TTC21B: variants seen among roughly 807,000 people sequenced by gnomAD.
The protein encoded by TTC21B is tetratricopeptide repeat domain 21B, also known as tetratricopeptide repeat protein 21B.
TTC21B carries 127 observed loss-of-function variants against 175.1 expected under a neutral mutation model. That is an observed-to-expected ratio of 0.73 (90% CI 0.63 to 0.84). The LOEUF is 0.84. TTC21B is among the 40% of genes least tolerant of loss of function. The probability of loss-of-function intolerance (pLI) is 0.00; values close to 1 mark genes in which losing one functional copy is unlikely to be tolerated. For missense variants in TTC21B, 1,561 were observed against 1,558.3 expected (o/e 1.00, Z -0.03); for synonymous variants, 524 against 524.5 (o/e 1.00, Z 0.01).
At chr2:165,909,270 T>C (rs1685850333) in intron 18 of TTC21B, among the ~76,000 whole-genome samples, 1 of 151,972 alleles carries the variant, frequency 6.6e-6, no homozygotes, top group East Asian at 1.9e-4. Context: ...AATATAAAAA[T>C]GAAAACAATA....
Position 165,890,933 on chromosome 2 carries a change from G to A in TTC21B, c.3006C>T (p.Leu1002=), listed in dbSNP as rs765379564. ...LIDLLRRCGK[L]EDVPRFFSMA... is the part of the protein sequence containing the mutation. ...TTGAGAAAAATCTTGGGACATCCTC[G>A]AGTTTTCCACATCTTCTTAGGAGAT... Residue 1002 remains leucine (L), a synonymous_variant, in exon 23 of 29, where the codon CTC becomes CTT. Transcript: ENST00000243344. 3.7e-6 allele frequency: 6 copies of A among 1,612,892 alleles called. No homozygotes were observed. Among genetic ancestry groups the A allele is most frequent in the African/African-American group, 2.7e-5 (2 of 74,778 alleles).
At chr2:165,927,319 TAATA>T (rs1295535842) in intron 11 of TTC21B, among the ~76,000 whole-genome samples, 1 of 56,498 alleles carries the variant, frequency 1.8e-5, no homozygotes, top group African/African-American at 4.8e-5. Flanking sequence ...ATATATTATA[TAATA>T]TATATATAAT....
Position 165,937,771 on chromosome 2 carries a change from CCACACACACACACA to C in TTC21B, c.710+3242_710+3255del, listed in dbSNP as rs4001021. On this transcript the variant is annotated intron_variant, in intron 6 of 28. Coordinates refer to ENST00000243344, the MANE Select transcript of TTC21B (RefSeq NM_024753.5). ...TACATATTTTTAAAATATATAGAAA[CCACACACACACACA>C]CACACACACACACACACACACACAC... is the stretch of plus-strand genomic sequence containing the variant. Among the ~76,000 whole-genome samples, 1,060 of 127,618 alleles carry C rather than the reference CCACACACACACACA, an allele frequency of 8.3e-3. 5 individuals are homozygous for C. Among genetic ancestry groups the C allele is most frequent in the Non-Finnish European group, 0.01 (624 of 60,212 alleles). The allele number at this position is 127,618 out of a possible 152,430, so 83.7% of individuals were successfully genotyped here. A position where few individuals can be genotyped will look rare whatever the true frequency, so the allele number is the denominator to read the frequency against.
chr2:165,931,795 T>C lies in TTC21B; in HGVS notation c.857A>G (p.Gln286Arg), dbSNP rs975002950. 6.2e-7 allele frequency: 1 copy of C among 1,613,632 alleles called. No homozygotes were observed. Among genetic ancestry groups the C allele is most frequent in the Non-Finnish European group, 8.5e-7 (1 of 1,179,634 alleles). ...TLDAMEPQNA[Q>R]LFYNITLAFS... ...GGCGAGTGTAATGTTATAGAAAAGT[T>C]GAGCATTCTGTGGTTCCATGGCATC... The change falls in exon 8 of 29, where the codon CAA becomes CGA. Residue 286 changes from glutamine to arginine, a missense_variant. Coordinates refer to ENST00000243344, the MANE Select transcript of TTC21B (RefSeq NM_024753.5).
intron 22 of TTC21B, among the ~76,000 whole-genome samples, chr2:165,897,196 ATCTCTGCC>A (rs1685398002): frequency 6.6e-6 from 1 of 152,216 alleles, no homozygotes; most frequent in Non-Finnish European, 1.5e-5. Context: ...TTTCAGGGGT[ATCTCTGCC>A]ATTTTCAATG....
intron 6 of TTC21B, among the ~76,000 whole-genome samples, chr2:165,939,274 T>C (rs1687280070): frequency 6.6e-6 from 1 of 152,180 alleles, no homozygotes; most frequent in South Asian, 2.1e-4. Context: ...GCCATTAATA[T>C]TTTGTCAGAT....
chr2:165,945,668 T>C lies in TTC21B; in HGVS notation c.285A>G (p.Ser95=). The change falls in exon 4 of 29, where the codon TCA becomes TCG. Residue 95 remains serine (S), a synonymous_variant. Transcript: ENST00000243344. The part of the protein sequence containing the change: ...PNPDREAILE[S]DARVKEQRKG... ...TACGTTGTTCCTTCACTCTGGCATC[T>C]GATTCCAGAATAGCTTCTCTATCTG... The C allele has an allele frequency of 6.2e-7, 1 of 1,613,486 alleles. No individual in the cohort carries two copies. Among genetic ancestry groups the C allele is most frequent in the Non-Finnish European group, 8.5e-7 (1 of 1,179,882 alleles).
chr2:165,897,316 G>A (rs1241526263), intron 22 of TTC21B, among the ~76,000 whole-genome samples: 2 of 152,168 alleles, frequency 1.3e-5, no homozygotes, highest in Non-Finnish European at 2.9e-5. Flanking sequence ...TTAGACCAGG[G>A]TGGCACTAAC....
At chr2:165,922,687 G>T (rs1488527740) in intron 12 of TTC21B, among the ~76,000 whole-genome samples, 1 of 149,760 alleles carries the variant, frequency 6.7e-6, no homozygotes, top group African/African-American at 2.5e-5. Flanking sequence ...ATTTCTCAAA[G>T]AACTAAAAGT....
At chr2:165,887,073 A>C (rs1404171692) in intron 25 of TTC21B, among the ~76,000 whole-genome samples, 1 of 152,172 alleles carries the variant, frequency 6.6e-6, no homozygotes, top group Non-Finnish European at 1.5e-5. Flanking sequence ...CTTGTACCCA[A>C]GCCACAACAA....
chr2:165,890,725 C>G, intron 23 of TTC21B, 85 bp from the exon 24 acceptor site: 2 of 1,547,006 alleles, frequency 1.3e-6, no homozygotes, highest in East Asian at 4.6e-5. Context: ...GTAAATAAAA[C>G]TGTTGAATTA....
At chr2:165,952,691 G>A (rs1042973994) in intron 1 of TTC21B, among the ~76,000 whole-genome samples, 1 of 152,162 alleles carries the variant, frequency 6.6e-6, no homozygotes, top group Non-Finnish European at 1.5e-5. Flanking sequence ...TAGAACAGAG[G>A]ATAATGTAAA....
chr2:165,914,607 T>C (rs1370501078), intron 15 of TTC21B, among the ~76,000 whole-genome samples: 1 of 150,146 alleles, frequency 6.7e-6, no homozygotes, highest in Admixed American at 6.7e-5. Flanking sequence ...TTACATAGAG[T>C]GTATGCTTCT....
intron 21 of TTC21B, among the ~76,000 whole-genome samples, chr2:165,899,304 C>T (rs928264663): frequency 6.6e-6 from 1 of 152,086 alleles, no homozygotes; most frequent in South Asian, 2.1e-4. Flanking sequence ...GCAAAGCTAA[C>T]AAATATTTTA....
At chr2:165,903,062 G>A (rs375871342) in intron 19 of TTC21B, among the ~76,000 whole-genome samples, 2 of 152,190 alleles carry the variant, frequency 1.3e-5, no homozygotes, top group Non-Finnish European at 2.9e-5. Context: ...ACTCTGGATT[G>A]CAAGTGTAAG....
intron 19 of TTC21B, among the ~76,000 whole-genome samples, chr2:165,906,313 A>G (rs946571218): frequency 2.0e-5 from 3 of 151,278 alleles, no homozygotes; most frequent in African/African-American, 7.3e-5. Context: ...GTGTAGAAGA[A>G]ATTAATTATG....
chr2:165,923,693 G>A (rs1686506862), intron 12 of TTC21B, among the ~76,000 whole-genome samples: 1 of 149,566 alleles, frequency 6.7e-6, no homozygotes, highest in Non-Finnish European at 1.5e-5. Context: ...CCACCTGTCT[G>A]GGCCTCCCAA....
chr2:165,952,910 G>C (rs1687803686), intron 1 of TTC21B, among the ~76,000 whole-genome samples: 1 of 152,198 alleles, frequency 6.6e-6, no homozygotes, highest in Admixed American at 6.5e-5. Context: ...TAGACACATA[G>C]GAGGCATTCA....
intron 8 of TTC21B, among the ~76,000 whole-genome samples, chr2:165,930,678 C>G (rs947188093): frequency 1.5e-4 from 20 of 131,102 alleles, no homozygotes; most frequent in African/African-American, 4.4e-4. Flanking sequence ...TGTCTCATGA[C>G]TGTTTTACAG....
Sources: allele counts gnomAD v4.1 joint callset (sites outside exome capture counted in the v4.1 genomes callset), GRCh38; gene constraint gnomAD v4.1.1; transcripts MANE v1.5; gene names NCBI Gene and HGNC (gene_info 2026-07-23, HGNC 2026-07-21).